The following PTPRG variants were observed in gnomAD, a reference collection of about 807,000 sequenced individuals.
The protein encoded by PTPRG is protein tyrosine phosphatase receptor type G.
PTPRG carries 102 observed loss-of-function variants against 165.3 expected under a neutral mutation model. The ratio of observed to expected loss-of-function variants is 0.62; its 90% CI spans 0.53 to 0.73. PTPRG has a LOEUF of 0.73. Among genes scored for constraint, PTPRG ranks in the 30% least tolerant of loss-of-function variants. The pLI is 0.00. For missense variants in PTPRG, 1,866 were observed against 1,861.4 expected (o/e 1.00, Z -0.05); for synonymous variants, 675 against 669.5 (o/e 1.01, Z -0.13).
chr3:62,177,934 A>G (rs898162701), intron 8 of PTPRG, among the ~76,000 whole-genome samples: 1 of 151,438 alleles, frequency 6.6e-6, no homozygotes, highest in Non-Finnish European at 1.5e-5. Flanking sequence ...CCACTACCCC[A>G]TAAGTTCTGT....
intron 1 of PTPRG, among the ~76,000 whole-genome samples, chr3:61,658,021 G>T (rs1269911760): frequency 1.3e-5 from 2 of 152,148 alleles, no homozygotes; most frequent in African/African-American, 4.8e-5. Context: ...CCACCCTATG[G>T]ACAGACACAC....
intron 2 of PTPRG, among the ~76,000 whole-genome samples, chr3:61,958,909 A>G (rs2107638272): frequency 6.6e-6 from 1 of 152,268 alleles, no homozygotes; most frequent in East Asian, 1.9e-4. Context: ...GAATACAAGG[A>G]TGTCTCTCAC....
At chr3:61,927,722 A>G (rs1290971670) in intron 2 of PTPRG, among the ~76,000 whole-genome samples, 1 of 152,326 alleles carries the variant, frequency 6.6e-6, no homozygotes, top group African/African-American at 2.4e-5. Context: ...AAAGCTCACT[A>G]CAGGATGTTG....
chr3:62,115,119 C>T lies in PTPRG; in HGVS notation c.616-17483C>T, dbSNP rs143837290. Among the ~76,000 whole-genome samples, 230 of 152,284 alleles carry T rather than the reference C, an allele frequency of 1.5e-3. 3 individuals are homozygous for T. The highest frequency in any genetic ancestry group is 0.011 in the South Asian group (55 of 4,824). On this transcript the variant is annotated intron_variant, in intron 5 of 29. Coordinates refer to ENST00000474889, the MANE Select transcript of PTPRG (RefSeq NM_002841.4). ...AGAAAAATAGAGATTTTCAGAGCAT[C>T]GTCACATGTTTCTCATCTCTTATCT...
intron 16 of PTPRG, among the ~76,000 whole-genome samples, chr3:62,256,387 G>T (rs1701536718): frequency 1.3e-5 from 2 of 152,018 alleles, no homozygotes; most frequent in Non-Finnish European, 2.9e-5. Context: ...TAGTTTTTTT[G>T]TTAGTTTTTG....
chr3:61,796,453 C>T (rs1332079038), intron 2 of PTPRG, among the ~76,000 whole-genome samples: 1 of 152,236 alleles, frequency 6.6e-6, no homozygotes, highest in Middle Eastern at 3.2e-3. Flanking sequence ...GAGCTGATAG[C>T]TGCCAGCTCC....
intron 2 of PTPRG, among the ~76,000 whole-genome samples, chr3:61,977,230 C>G (rs1004326504): frequency 6.6e-6 from 1 of 151,234 alleles, no homozygotes; most frequent in South Asian, 2.1e-4. Flanking sequence ...TTTACCTCAC[C>G]GGGAGCAAGA....
intron 16 of PTPRG, among the ~76,000 whole-genome samples, chr3:62,261,632 C>G (rs1223904777): frequency 6.8e-6 from 1 of 147,460 alleles, no homozygotes; most frequent in Non-Finnish European, 1.5e-5. Flanking sequence ...CTGGGAAGGA[C>G]TATAATTATG....
intron 2 of PTPRG, among the ~76,000 whole-genome samples, chr3:61,873,004 C>T (rs573033834): frequency 3.3e-5 from 5 of 152,134 alleles, no homozygotes; most frequent in South Asian, 4.1e-4. Context: ...AGAATGAATT[C>T]GAGCTGTAAA....
intron 2 of PTPRG, among the ~76,000 whole-genome samples, chr3:61,845,086 C>T (rs961114990): frequency 1.3e-5 from 2 of 152,138 alleles, no homozygotes; most frequent in Non-Finnish European, 2.9e-5. Context: ...TTTTGTCATT[C>T]TCTTTCTTTT....
At chr3:61,588,783 G>GA (rs961216280) in intron 1 of PTPRG, among the ~76,000 whole-genome samples, 2 of 152,054 alleles carry the variant, frequency 1.3e-5, no homozygotes, top group African/African-American at 4.8e-5. Flanking sequence ...TCATATATAT[G>GA]AAAAAAATAT....
chr3:62,249,719 T>A (rs1041161160), intron 15 of PTPRG, among the ~76,000 whole-genome samples: 7 of 152,196 alleles, frequency 4.6e-5, no homozygotes, highest in Admixed American at 4.6e-4. Flanking sequence ...ATTAACAATT[T>A]ATCTACCTGG....
chr3:62,128,482 C>T (rs79021042), intron 5 of PTPRG, among the ~76,000 whole-genome samples: 7,141 of 152,028 alleles, frequency 0.047, 373 homozygotes, highest in African/African-American at 0.14. Context: ...TTGACAAGCT[C>T]AGGGATAAAT....
At chr3:62,269,302 T>A (rs985281754) in intron 20 of PTPRG, 133 bp downstream of exon 20, 5 of 946,940 alleles carry the variant, frequency 5.3e-6, no homozygotes, top group Admixed American at 5.8e-5. Context: ...TTTTCATAAC[T>A]CTTTTGATTG....
chr3:61,567,486 A>T (rs1041158490), intron 1 of PTPRG, among the ~76,000 whole-genome samples: 1 of 152,078 alleles, frequency 6.6e-6, no homozygotes, highest in African/African-American at 2.4e-5. Flanking sequence ...AGCCAGGGCA[A>T]CATAGGGAGA....
At chr3:61,569,026 T>C (rs905460273) in intron 1 of PTPRG, among the ~76,000 whole-genome samples, 1 of 152,148 alleles carries the variant, frequency 6.6e-6, no homozygotes, top group Non-Finnish European at 1.5e-5. Context: ...CGGAATTGGG[T>C]AGTGTTTCAC....
At chr3:62,015,564 A>T (rs974607813) in intron 4 of PTPRG, among the ~76,000 whole-genome samples, 1 of 152,014 alleles carries the variant, frequency 6.6e-6, no homozygotes. Flanking sequence ...CTGGCCTCGA[A>T]CTCCTGGGCT....
At chr3:61,570,143 C>T (rs980401925) in intron 1 of PTPRG, among the ~76,000 whole-genome samples, 1 of 152,154 alleles carries the variant, frequency 6.6e-6, no homozygotes, top group Admixed American at 6.5e-5. Flanking sequence ...TTATTTTACA[C>T]TTGTGTGACA....
intron 2 of PTPRG, among the ~76,000 whole-genome samples, chr3:61,869,192 G>A (rs774806039): frequency 6.6e-6 from 1 of 152,172 alleles, no homozygotes; most frequent in Non-Finnish European, 1.5e-5. Flanking sequence ...GCAGCATCCA[G>A]TTCCCTCTAC....
Sources: gnomAD v4.1 joint callset for allele counts (sites outside exome capture counted in the v4.1 genomes callset) on GRCh38, gnomAD v4.1.1 for gene constraint, MANE v1.5 for transcripts, NCBI Gene and HGNC (gene_info 2026-07-23, HGNC 2026-07-21) for gene names.